Variants in NCKAP5 observed in about 807,000 individuals in gnomAD.
NCKAP5 encodes nck-associated protein 5.
Under a neutral mutation model 167.0 loss-of-function variants are expected in NCKAP5, and 92 were observed. The ratio of observed to expected loss-of-function variants is 0.55; its 90% CI spans 0.47 to 0.66. The LOEUF (loss-of-function observed/expected upper bound fraction) is 0.66. Ranked by LOEUF, NCKAP5 falls within the 30% of genes least tolerant of loss-of-function variation. The pLI, the probability that NCKAP5 is intolerant of heterozygous loss-of-function variation, is 0.00. For synonymous variants in NCKAP5, 891 were observed against 877.4 expected, an observed-to-expected ratio of 1.02 and a Z score of -0.27; for missense variants, 2,378 against 2,315.0, an observed-to-expected ratio of 1.03 and a Z score of -0.56.
At chr2:132,876,216 C>T (rs1406398837) in intron 9 of NCKAP5, among the ~76,000 whole-genome samples, 1 of 152,076 alleles carries the variant, frequency 6.6e-6, no homozygotes, top group Non-Finnish European at 1.5e-5. Flanking sequence ...TCCCAAATAG[C>T]TGTGTCTACA....
intron 4 of NCKAP5, among the ~76,000 whole-genome samples, chr2:133,221,198 A>G (rs2086649250): frequency 6.6e-6 from 1 of 152,196 alleles, no homozygotes; most frequent in South Asian, 2.1e-4. Context: ...ATGAATTTAA[A>G]AAGGAAAAAT....
chr2:133,545,804 A>G (rs75973187), intron 2 of NCKAP5, among the ~76,000 whole-genome samples: 3 of 152,246 alleles, frequency 2.0e-5, no homozygotes, highest in Non-Finnish European at 4.4e-5. Flanking sequence ...CTTATCTTTT[A>G]CAATGATAAA....
intron 6 of NCKAP5, among the ~76,000 whole-genome samples, chr2:133,019,730 TAAGAG>T: frequency 6.6e-6 from 1 of 152,306 alleles, no homozygotes; most frequent in South Asian, 2.1e-4. Context: ...AAACCAAACC[TAAGAG>T]AAGGAACCTT....
intron 3 of NCKAP5, among the ~76,000 whole-genome samples, chr2:133,377,520 T>C (rs1277751017): frequency 6.6e-6 from 1 of 152,134 alleles, no homozygotes; most frequent in African/African-American, 2.4e-5. Context: ...GAAAAAAATC[T>C]AGGAGGAAAA....
chr2:132,714,714 G>A (rs1228672815), intron 19 of NCKAP5, among the ~76,000 whole-genome samples: 1 of 151,882 alleles, frequency 6.6e-6, no homozygotes, highest in African/African-American at 2.4e-5. Context: ...CTGGGAGGCT[G>A]AGGCAGGAGA....
At position 133,308,734 on chromosome 2, in the gene NCKAP5, C is replaced by A. The variant is rs1202503735; in HGVS notation, c.70-5624G>T. Among the ~76,000 whole-genome samples the A allele has an allele frequency of 4.2e-5, 4 of 95,124 alleles. No individual in the cohort carries two copies. The Admixed American group carries it at 7.2e-4, about 17-fold the overall frequency. 62.4% of individuals were successfully genotyped at this position (95,124 alleles called of 152,430 possible). On this transcript the variant is annotated intron_variant, in intron 3 of 19. Transcript: ENST00000409261. ...TTTTTTTTTTTGAGACGGAGTCTTG[C>A]TCTGTCGCCCAGGCCGGACTGCGGA...
At chr2:133,470,030 C>T (rs536365640) in intron 3 of NCKAP5, among the ~76,000 whole-genome samples, 7 of 152,166 alleles carry the variant, frequency 4.6e-5, no homozygotes, top group African/African-American at 1.7e-4. Context: ...CATTCTCCAT[C>T]CAGCTTTGTT....
In NCKAP5 at chr2:133,411,488, C is replaced by T. The variant is rs143995963; in HGVS notation, c.69+105970G>A. 4.5e-4 allele frequency among the ~76,000 whole-genome samples: 69 copies of T among 152,224 alleles called. No individual in the cohort carries two copies. The Middle Eastern group carries it at 0.014, about 30-fold the overall frequency. On this transcript the variant is annotated intron_variant, in intron 3 of 19. Coordinates refer to ENST00000409261, the MANE Select transcript of NCKAP5 (RefSeq NM_207363.3). ...AGCAGGACAAGGAATCACCGATGAG[C>T]GTACACAAGGATAAATACACCATTC...
the NCKAP5 span, among the ~76,000 whole-genome samples, chr2:133,605,633 TG>T: frequency 6.6e-6 from 1 of 152,340 alleles, no homozygotes; most frequent in South Asian, 2.1e-4. Context: ...CTCATCGATT[TG>T]TAAAAGCTTC....
chr2:133,082,632 C>A (rs1174755343), intron 6 of NCKAP5, among the ~76,000 whole-genome samples: 3 of 152,116 alleles, frequency 2.0e-5, no homozygotes, highest in Non-Finnish European at 4.4e-5. Context: ...CCTGGAGGAA[C>A]AGTGGACAGA....
intron 11 of NCKAP5, among the ~76,000 whole-genome samples, chr2:132,819,301 T>TA (rs1686528941): frequency 6.6e-6 from 1 of 152,134 alleles, no homozygotes; most frequent in Non-Finnish European, 1.5e-5. Context: ...GGGAGGAACT[T>TA]ACGTTAATTC....
chr2:133,364,367 T>C (rs1324240091), intron 3 of NCKAP5, among the ~76,000 whole-genome samples: 1 of 152,226 alleles, frequency 6.6e-6, no homozygotes, highest in East Asian at 1.9e-4. Flanking sequence ...AAACTAGTTT[T>C]TAAAGGACTT....
At chr2:133,205,569 T>C (rs2085911572) in intron 5 of NCKAP5, among the ~76,000 whole-genome samples, 1 of 152,160 alleles carries the variant, frequency 6.6e-6, no homozygotes. Context: ...TATCCTTCCA[T>C]TATCTTCATT....
At chr2:132,849,928 A>G (rs1190470353) in intron 11 of NCKAP5, among the ~76,000 whole-genome samples, 2 of 152,204 alleles carry the variant, frequency 1.3e-5, no homozygotes, top group Non-Finnish European at 2.9e-5. Context: ...ATGGCGTAGT[A>G]GAAAGGGTAC....
At chr2:133,478,196 T>A (rs560156251) in intron 3 of NCKAP5, among the ~76,000 whole-genome samples, 1 of 152,290 alleles carries the variant, frequency 6.6e-6, no homozygotes, top group East Asian at 1.9e-4. Context: ...TCACAGTGAA[T>A]CTCACCTGGT....
intron 11 of NCKAP5, among the ~76,000 whole-genome samples, chr2:132,846,566 A>G (rs111882898): frequency 0.058 from 8,835 of 152,076 alleles, 386 homozygotes; most frequent in East Asian, 0.2. Flanking sequence ...CGGCCTCCCA[A>G]AGTGCTGGCA....
At chr2:133,319,138 G>A (rs1391492687) in intron 3 of NCKAP5, among the ~76,000 whole-genome samples, 7 of 150,262 alleles carry the variant, frequency 4.7e-5, no homozygotes, top group Non-Finnish European at 1.0e-4. Context: ...CCAGGTGTGT[G>A]AGCCACCCCT....
chr2:132,689,178 A>G (rs1335923784), intron 19 of NCKAP5, among the ~76,000 whole-genome samples: 1 of 152,146 alleles, frequency 6.6e-6, no homozygotes, highest in South Asian at 2.1e-4. Flanking sequence ...GAATACAACC[A>G]TTCACTCTAG....
chr2:133,545,861 G>C lies in NCKAP5; in HGVS notation c.-62+13189C>G, dbSNP rs118191716. Reference sequence around the variant, plus strand: ...TAATCCCAATGACATTGGAGAAAATGATACACAAACCTCTTCATCAGGAAA... The same window carrying C: ...TAATCCCAATGACATTGGAGAAAATCATACACAAACCTCTTCATCAGGAAA... On this transcript the variant is annotated intron_variant, in intron 2 of 19. Transcript: ENST00000409261. Among the ~76,000 whole-genome samples the C allele has an allele frequency of 5.1e-4, 77 of 152,268 alleles. No homozygotes were observed. The East Asian group carries it at 0.014, about 28-fold the overall frequency.
Sources: gnomAD v4.1 joint callset for allele counts (sites outside exome capture counted in the v4.1 genomes callset) on GRCh38, gnomAD v4.1.1 for gene constraint, MANE v1.5 for transcripts, NCBI Gene and HGNC (gene_info 2026-07-23, HGNC 2026-07-21) for gene names.